Variants in STK4 observed in about 807,000 individuals in gnomAD.
STK4 encodes the protein serine/threonine kinase 4.
Under a neutral mutation model 64.9 loss-of-function variants are expected in STK4, and 30 were observed. That is an observed-to-expected ratio of 0.46 (90% confidence interval 0.35 to 0.63). The LOEUF is 0.63. Among genes scored for constraint, STK4 ranks in the 20% least tolerant of loss-of-function variants. The pLI, the probability that STK4 is intolerant of heterozygous loss-of-function variation, is 0.01. For missense variants in STK4, 466 were observed against 598.5 expected, an observed-to-expected ratio of 0.78 and a Z score of 2.31; for synonymous variants, 177 against 199.0, an observed-to-expected ratio of 0.89 and a Z score of 0.93.
At chr20:45,071,000 G>A (rs967952516) in intron 10 of STK4, among the ~76,000 whole-genome samples, 7 of 152,000 alleles carry the variant, frequency 4.6e-5, no homozygotes, top group Non-Finnish European at 8.8e-5. Context: ...CACTGGATCC[G>A]TCCCATAACA....
At chr20:45,014,038 T>C (rs2068098220) in intron 9 of STK4, among the ~76,000 whole-genome samples, 1 of 152,166 alleles carries the variant, frequency 6.6e-6, no homozygotes, top group Non-Finnish European at 1.5e-5. Flanking sequence ...AGTTTCACCA[T>C]TATCCGTTTT....
At chr20:45,017,380 A>G (rs1254421131) in intron 9 of STK4, among the ~76,000 whole-genome samples, 1 of 152,238 alleles carries the variant, frequency 6.6e-6, no homozygotes, top group Non-Finnish European at 1.5e-5. Context: ...ATATACTAAG[A>G]CAAATGCTAG....
At chr20:45,065,312 G>C in intron 10 of STK4, among the ~76,000 whole-genome samples, 1 of 152,114 alleles carries the variant, frequency 6.6e-6, no homozygotes, top group East Asian at 1.9e-4. Context: ...CTTGATAGTG[G>C]TGGATTAACC....
At chr20:45,064,122 A>T (rs1380414699) in intron 10 of STK4, among the ~76,000 whole-genome samples, 1 of 151,948 alleles carries the variant, frequency 6.6e-6, no homozygotes, top group African/African-American at 2.4e-5. Context: ...GGGGGGGTCC[A>T]GTTTTAATCT....
chr20:45,051,596 A>T (rs971207410), intron 10 of STK4, among the ~76,000 whole-genome samples: 12 of 152,144 alleles, frequency 7.9e-5, no homozygotes, highest in Non-Finnish European at 1.8e-4. Context: ...TATGTTTTCA[A>T]CTGCAGCGAT....
At chr20:45,009,499 A>T (rs1895669254) in intron 9 of STK4, among the ~76,000 whole-genome samples, 1 of 152,012 alleles carries the variant, frequency 6.6e-6, no homozygotes, top group Non-Finnish European at 1.5e-5. Flanking sequence ...TTTGCTTAGG[A>T]TTGCTTTGGC....
intron 10 of STK4, among the ~76,000 whole-genome samples, chr20:45,047,959 CTTTG>C (rs2068721594): frequency 1.3e-5 from 2 of 152,190 alleles, no homozygotes; most frequent in Non-Finnish European, 2.9e-5. Context: ...CTCTCTTGGT[CTTTG>C]TTTGCCAATT....
intron 5 of STK4, 80 bp from the exon 6 acceptor site, chr20:44,995,010 T>C (rs2067701871): frequency 1.7e-6 from 2 of 1,197,392 alleles, no homozygotes; most frequent in Non-Finnish European, 2.2e-6. Flanking sequence ...TTTTTTCTTC[T>C]TTTTTTCTCT....
intron 10 of STK4, among the ~76,000 whole-genome samples, chr20:45,056,391 C>G (rs1004596635): frequency 6.6e-6 from 1 of 152,116 alleles, no homozygotes; most frequent in African/African-American, 2.4e-5. Context: ...GCATACTGTT[C>G]TGAGATTTGT....
intron 10 of STK4, among the ~76,000 whole-genome samples, chr20:45,025,641 C>T (rs1600496527): frequency 2.0e-5 from 3 of 152,156 alleles, no homozygotes. Flanking sequence ...AACATTTTCC[C>T]TCAACCATAG....
intron 2 of STK4, among the ~76,000 whole-genome samples, chr20:44,973,694 A>G (rs1679337429): frequency 6.6e-6 from 1 of 152,256 alleles, no homozygotes; most frequent in African/African-American, 2.4e-5. Context: ...TTTACTGGTC[A>G]TAATAGACAA....
Position 44,981,959 on chromosome 20 carries a change from A to T in STK4, c.360+16A>T. Reference sequence around the variant, plus strand: ...AAATAAAACGGTAGGTTTACCTTCTAGAACATGCAACTGAGCTAGTTTCTT... The same window carrying T: ...AAATAAAACGGTAGGTTTACCTTCTTGAACATGCAACTGAGCTAGTTTCTT... On this transcript the variant is annotated intron_variant, in intron 4 of 10. Transcript: ENST00000372806. The T allele has an allele frequency of 6.4e-7, 1 of 1,559,694 alleles. No homozygotes were observed. The highest frequency in any genetic ancestry group is 8.8e-7 in the Non-Finnish European group (1 of 1,130,568).
chr20:45,001,197 G>C lies in STK4; in HGVS notation c.991G>C (p.Val331Leu). ...GGATGAAATGGATTCTGGCACGATG[G>C]TTCGAGCAGTGGGTGATGAGATGGG... ...EEDEMDSGTMVRAVGDEMGTV... is the reference protein window; with the variant it reads ...EEDEMDSGTMLRAVGDEMGTV... Residue 331 changes from valine (V) to leucine (L), a missense_variant, in exon 9 of 11, where the codon GTT becomes CTT. Transcript: ENST00000372806. 1.2e-6 allele frequency: 2 copies of C among 1,613,568 alleles called. No individual in the cohort carries two copies. The highest frequency in any genetic ancestry group is 1.7e-6 in the Non-Finnish European group (2 of 1,179,548).
chr20:44,972,182 A>G (rs534928035), intron 2 of STK4, 24 bp downstream of exon 2: 1 of 1,598,440 alleles, frequency 6.3e-7, no homozygotes, highest in Admixed American at 1.7e-5. Context: ...AACTATAGGT[A>G]GGTCATTGGG....
At chr20:45,006,425 T>C (rs1033847112) in intron 9 of STK4, among the ~76,000 whole-genome samples, 1 of 152,048 alleles carries the variant, frequency 6.6e-6, no homozygotes, top group Non-Finnish European at 1.5e-5. Context: ...TTTCTGTTTA[T>C]CTCTTTGAAC....
At chr20:45,035,414 A>C (rs1422618023) in intron 10 of STK4, among the ~76,000 whole-genome samples, 1 of 152,194 alleles carries the variant, frequency 6.6e-6, no homozygotes, top group African/African-American at 2.4e-5. Flanking sequence ...GATTAAGAGA[A>C]CCACAATACT....
intron 10 of STK4, among the ~76,000 whole-genome samples, chr20:45,073,852 C>T (rs1282555865): frequency 6.6e-6 from 1 of 152,174 alleles, no homozygotes; most frequent in Non-Finnish European, 1.5e-5. Flanking sequence ...ACACACAGTG[C>T]AGCAGGTACT....
intron 10 of STK4, among the ~76,000 whole-genome samples, chr20:45,054,447 C>G (rs892197670): frequency 6.6e-6 from 1 of 151,998 alleles, no homozygotes; most frequent in Non-Finnish European, 1.5e-5. Context: ...ACCTGTAGTC[C>G]TGCTACTCAA....
At chr20:45,002,607 G>C (rs144159838) in intron 9 of STK4, among the ~76,000 whole-genome samples, 1 of 152,190 alleles carries the variant, frequency 6.6e-6, no homozygotes, top group Non-Finnish European at 1.5e-5. Context: ...TGTTTTAGGA[G>C]TTACTTAAAT....
Sources: allele counts gnomAD v4.1 joint callset (sites outside exome capture counted in the v4.1 genomes callset), GRCh38; gene constraint gnomAD v4.1.1; transcripts MANE v1.5; gene names NCBI Gene and HGNC (gene_info 2026-07-23, HGNC 2026-07-21).